Variants in DYNLL1 observed in about 807,000 individuals in gnomAD.
The protein encoded by DYNLL1 is dynein light chain 1, cytoplasmic.
In DYNLL1, 3 loss-of-function variants were observed where a neutral mutation model predicts 10.1. The ratio of observed to expected loss-of-function variants is 0.30; its 90% CI spans 0.14 to 0.77. DYNLL1 has a LOEUF of 0.77. DYNLL1 is among the 30% of genes least tolerant of loss of function. The pLI is 0.66. For synonymous variants in DYNLL1, 46 were observed against 41.2 expected (o/e 1.12, Z -0.45); for missense variants, 47 against 111.7 (o/e 0.42, Z 2.61).
chr12:120,473,654 CACTGA>C (rs1381999465), intron 1 of DYNLL1, among the ~76,000 whole-genome samples: 1 of 141,586 alleles, frequency 7.1e-6, no homozygotes, highest in Non-Finnish European at 1.5e-5. Flanking sequence ...GAGATTGCGC[CACTGA>C]ACTCCAGCCT....
intron 2 of DYNLL1, chr12:120,497,667 A>AT (rs1868496841): frequency 6.3e-6 from 1 of 159,502 alleles, no homozygotes; most frequent in African/African-American, 2.4e-5. Context: ...GGATGGGCTA[A>AT]TTTTTTGCCG....
chr12:120,475,183 A>G lies in DYNLL1; in HGVS notation c.-7+5079A>G, dbSNP rs144078630. Among the ~76,000 whole-genome samples the G allele has an allele frequency of 2.4e-3, 358 of 152,334 alleles. 2 individuals carry two copies. Among genetic ancestry groups the G allele is most frequent in the African/African-American group, 8.0e-3 (334 of 41,566 alleles). The stretch of plus-strand genomic sequence containing the variant: ...AAAAAATCTTTAACATTATTTTTCA[A>G]TAACTTTTAGATAATGAACTGGTGT... On this transcript the variant is annotated intron_variant, in intron 1 of 2. Coordinates refer to the DYNLL1 transcript ENST00000392509.
chr12:120,485,609 G>A (rs938415928), intron 1 of DYNLL1, among the ~76,000 whole-genome samples: 5 of 151,928 alleles, frequency 3.3e-5, no homozygotes, highest in African/African-American at 1.2e-4. Context: ...GGAGGCCAAG[G>A]TGGGAGGATT....
intron 1 of DYNLL1, among the ~76,000 whole-genome samples, chr12:120,483,743 A>G (rs1593001135): frequency 6.6e-6 from 1 of 151,716 alleles, no homozygotes; most frequent in South Asian, 2.1e-4. Context: ...GGAGACTCCC[A>G]AGAGAGAGTT....
intron 1 of DYNLL1, among the ~76,000 whole-genome samples, chr12:120,479,878 T>A (rs1362485059): frequency 1.3e-5 from 2 of 152,182 alleles, no homozygotes; most frequent in Non-Finnish European, 2.9e-5. Flanking sequence ...AGATTACACA[T>A]GTCAGTCCTA....
chr12:120,472,991 T>A (rs1391393122), intron 1 of DYNLL1, among the ~76,000 whole-genome samples: 2 of 152,198 alleles, frequency 1.3e-5, no homozygotes, highest in African/African-American at 2.4e-5. Context: ...CTTTTAAACT[T>A]TTTGTTCATC....
intron 1 of DYNLL1, among the ~76,000 whole-genome samples, chr12:120,479,159 G>A (rs1281568608): frequency 2.1e-5 from 3 of 144,252 alleles, no homozygotes; most frequent in South Asian, 2.3e-4. Flanking sequence ...GCAAGTCTCC[G>A]TGTAAAAAAT....
chr12:120,490,022 A>C (rs957800469), intron 1 of DYNLL1, among the ~76,000 whole-genome samples: 3 of 152,392 alleles, frequency 2.0e-5, no homozygotes, highest in Non-Finnish European at 4.4e-5. Flanking sequence ...TGCTAGGATT[A>C]CAGGCGTAAG....
intron 2 of DYNLL1, 44 bp downstream of exon 2, chr12:120,496,597 G>T (rs763379402): frequency 6.2e-7 from 1 of 1,613,934 alleles, no homozygotes; most frequent in Non-Finnish European, 8.5e-7. Context: ...GGAGCAGGGG[G>T]TTCCTTCCCC....
At chr12:120,479,468 A>AAATAATAATAATAATAATAATAATAAT (rs758249930) in intron 1 of DYNLL1, among the ~76,000 whole-genome samples, 2 of 109,580 alleles carry the variant, frequency 1.8e-5, no homozygotes, top group African/African-American at 6.9e-5. Context: ...AAAAAAAAAA[A>AAATAATAATAATAATAATAATAATAAT]AATAATAATA....
At chr12:120,477,137 C>G (rs1198810720) in intron 1 of DYNLL1, among the ~76,000 whole-genome samples, 2 of 152,122 alleles carry the variant, frequency 1.3e-5, no homozygotes, top group Non-Finnish European at 2.9e-5. Flanking sequence ...CCATGTTGGC[C>G]AGGCTGGTCT....
intron 1 of DYNLL1, among the ~76,000 whole-genome samples, chr12:120,478,890 G>T (rs1056481069): frequency 6.3e-4 from 92 of 146,390 alleles, no homozygotes; most frequent in African/African-American, 2.2e-3. Context: ...TTGCCATGTT[G>T]GCCAGGCTGG....
At chr12:120,482,379 G>A (rs1207135125) in intron 1 of DYNLL1, among the ~76,000 whole-genome samples, 1 of 151,158 alleles carries the variant, frequency 6.6e-6, no homozygotes, top group Non-Finnish European at 1.5e-5. Flanking sequence ...CTGTAGTGCA[G>A]TGGCGCCATC....
upstream of DYNLL1, chr12:120,493,974 T>C (rs564971981): frequency 1.3e-5 from 2 of 152,162 alleles, no homozygotes; most frequent in African/African-American, 4.8e-5. Flanking sequence ...ATAGTATTAT[T>C]ATAGTAAAAA....
chr12:120,479,791 G>A (rs1878843958), intron 1 of DYNLL1, among the ~76,000 whole-genome samples: 1 of 152,122 alleles, frequency 6.6e-6, no homozygotes, highest in South Asian at 2.1e-4. Flanking sequence ...TGGAGGTGAG[G>A]GCTGTTCTTC....
At chr12:120,486,893 A>G (rs787823) in intron 1 of DYNLL1, among the ~76,000 whole-genome samples, 40,971 of 151,852 alleles carry the variant, frequency 0.27, 6,637 homozygotes, top group Admixed American at 0.39. Flanking sequence ...CCCTCTGATC[A>G]TATGAATCCC....
chr12:120,474,401 C>A (rs1271531779), intron 1 of DYNLL1, among the ~76,000 whole-genome samples: 3 of 151,328 alleles, frequency 2.0e-5, no homozygotes, highest in Non-Finnish European at 4.4e-5. Flanking sequence ...CATTTATTCT[C>A]CACCAGAGTG....
upstream of DYNLL1, chr12:120,491,590 G>A (rs913723388): frequency 6.6e-6 from 1 of 152,606 alleles, no homozygotes; most frequent in Non-Finnish European, 1.5e-5. Flanking sequence ...TTGCTGGACT[G>A]GGCTGGGAAC....
At chr12:120,496,108 T>G (rs1464246308), upstream of DYNLL1, 1 of 466,948 alleles carries the variant, frequency 2.1e-6, no homozygotes, top group African/African-American at 2.0e-5. Context: ...GGCGTGGGGC[T>G]GCTTAGATGC....
Sources: gnomAD v4.1 joint callset for allele counts (sites outside exome capture counted in the v4.1 genomes callset) on GRCh38, gnomAD v4.1.1 for gene constraint, MANE v1.5 for transcripts, NCBI Gene and HGNC (gene_info 2026-07-23, HGNC 2026-07-21) for gene names.